The following RTCB variants were observed in gnomAD, a reference collection of about 807,000 sequenced individuals.
RTCB encodes RNA-splicing ligase RTCB.
A neutral mutation model predicts 58.2 loss-of-function variants in RTCB; 32 were observed. The ratio of observed to expected loss-of-function variants is 0.55; its 90% confidence interval spans 0.41 to 0.74. The LOEUF (loss-of-function observed/expected upper bound fraction) is 0.74, where lower values mean the gene tolerates loss of function less well. RTCB is among the 30% of genes least tolerant of loss of function. The pLI is 0.00. For missense variants in RTCB, 523 were observed against 639.0 expected (o/e 0.82, Z 1.96); for synonymous variants, 247 against 218.6 (o/e 1.13, Z -1.15).
intron 1 of RTCB, among the ~76,000 whole-genome samples, chr22:32,409,814 T>C (rs995833790): frequency 9.1e-5 from 10 of 110,438 alleles, no homozygotes; most frequent in South Asian, 3.0e-4. Context: ...ACAGCTCTTA[T>C]ATACTTTTGT....
At chr22:32,400,202 G>T (rs992416540) in intron 5 of RTCB, among the ~76,000 whole-genome samples, 1 of 152,102 alleles carries the variant, frequency 6.6e-6, no homozygotes, top group Non-Finnish European at 1.5e-5. Flanking sequence ...TATGAATTAC[G>T]GTCAAATAAA....
At chr22:32,390,827 C>A (rs1397942993) in intron 11 of RTCB, among the ~76,000 whole-genome samples, 1 of 152,118 alleles carries the variant, frequency 6.6e-6, no homozygotes, top group African/African-American at 2.4e-5. Flanking sequence ...AAAAATAAGT[C>A]TTTGTCATAC....
chr22:32,409,823 G>GTTTT (rs1265587832), intron 1 of RTCB, among the ~76,000 whole-genome samples: 1 of 38,800 alleles, frequency 2.6e-5, no homozygotes. Flanking sequence ...ATATACTTTT[G>GTTTT]TTTTTTTTTT....
intron 1 of RTCB, among the ~76,000 whole-genome samples, chr22:32,410,349 G>A (rs1292479386): frequency 6.6e-6 from 1 of 152,168 alleles, no homozygotes; most frequent in East Asian, 1.9e-4. Flanking sequence ...TGGGAAGGGA[G>A]TGTTTTAAGG....
At chr22:32,412,009 C>G in intron 1 of RTCB, 55 bp downstream of exon 1, 1 of 1,438,712 alleles carries the variant, frequency 7.0e-7, no homozygotes. Flanking sequence ...CAGTGGACGC[C>G]GGCCGGGCCG....
At chr22:32,402,331 G>A (rs1757999091) in intron 4 of RTCB, among the ~76,000 whole-genome samples, 1 of 152,042 alleles carries the variant, frequency 6.6e-6, no homozygotes, top group Non-Finnish European at 1.5e-5. Context: ...ATAATTTGTT[G>A]TGCTTTCTAG....
rs562277175 is a variant in RTCB at position 32,405,120 on chromosome 22, T to C, written c.340+1542A>G. 3.3e-5 allele frequency among the ~76,000 whole-genome samples: 5 copies of C among 152,294 alleles called. 1 individual carries two copies. Among genetic ancestry groups the C allele is most frequent in the African/African-American group, 1.2e-4 (5 of 41,576 alleles). ...TTCATTTTATAATACTAAGACATTA[T>C]TTGTCTATTTTATTCATATTCTCCC... is the stretch of plus-strand genomic sequence containing the variant. On this transcript the variant is annotated intron_variant, in intron 4 of 11. Coordinates refer to ENST00000216038, the MANE Select transcript of RTCB (RefSeq NM_014306.5).
At chr22:32,392,657 AG>A (rs1933175284) in intron 10 of RTCB, among the ~76,000 whole-genome samples, 1 of 152,208 alleles carries the variant, frequency 6.6e-6, no homozygotes, top group African/African-American at 2.4e-5. Flanking sequence ...CAATAAAAAA[AG>A]CCTCCAGAAA....
At chr22:32,388,265 G>C (rs1238697512) in intron 11 of RTCB, among the ~76,000 whole-genome samples, 166 bp from the exon 12 acceptor site, 1 of 150,914 alleles carries the variant, frequency 6.6e-6, no homozygotes, top group Non-Finnish European at 1.5e-5. Context: ...CCTGATGTTG[G>C]TCAGTGCTGA....
intron 1 of RTCB, among the ~76,000 whole-genome samples, chr22:32,410,015 C>T (rs1280263750): frequency 1.3e-5 from 2 of 152,112 alleles, no homozygotes; most frequent in East Asian, 3.8e-4. Flanking sequence ...GACGAAGTTT[C>T]ACGTGTTAGC....
At chr22:32,394,821 C>T (rs563351607) in intron 9 of RTCB, among the ~76,000 whole-genome samples, 1 of 151,368 alleles carries the variant, frequency 6.6e-6, no homozygotes, top group African/African-American at 2.5e-5. Context: ...TCCTGCAGCA[C>T]TTGCTATAGC....
chr22:32,403,302 G>A (rs549020225), intron 4 of RTCB, among the ~76,000 whole-genome samples: 15 of 152,002 alleles, frequency 9.9e-5, no homozygotes, highest in Non-Finnish European at 7.4e-5. Flanking sequence ...AGCCACTCAG[G>A]AGGCTGAGGC....
intron 10 of RTCB, 138 bp downstream of exon 10, chr22:32,393,754 G>A (rs1292935440): frequency 3.1e-6 from 2 of 642,030 alleles, no homozygotes; most frequent in East Asian, 5.4e-5. Flanking sequence ...ACATTATGGG[G>A]AACAATTTGA....
At chr22:32,394,304 A>G (rs1174038768) in intron 9 of RTCB, among the ~76,000 whole-genome samples, 8 of 151,882 alleles carry the variant, frequency 5.3e-5, no homozygotes, top group Non-Finnish European at 8.8e-5. Flanking sequence ...GTAGAGGCGG[A>G]GTTTCACCAT....
chr22:32,396,323 G>A (rs746428094), intron 7 of RTCB, 74 bp from the exon 8 acceptor site: 12 of 1,439,856 alleles, frequency 8.3e-6, no homozygotes, highest in Non-Finnish European at 1.1e-5. Flanking sequence ...CTGCAGAAAG[G>A]TAGGCTACAT....
intron 2 of RTCB, 22 bp downstream of exon 2, chr22:32,408,733 A>G (rs1185330748): frequency 6.4e-7 from 1 of 1,574,122 alleles, no homozygotes; most frequent in Non-Finnish European, 8.7e-7. Flanking sequence ...TACTAACACA[A>G]GTGAAACTCT....
intron 3 of RTCB, 34 bp downstream of exon 3, chr22:32,408,141 A>G: frequency 6.3e-7 from 1 of 1,580,432 alleles, no homozygotes; most frequent in Non-Finnish European, 8.7e-7. Flanking sequence ...ACTTTAAGAA[A>G]TATAAATGAT....
chr22:32,398,964 CA>C (rs1478549060), intron 6 of RTCB, among the ~76,000 whole-genome samples: 1 of 152,180 alleles, frequency 6.6e-6, no homozygotes, highest in Admixed American at 6.5e-5. Flanking sequence ...CCACGTGTCA[CA>C]CTGAATTAGT....
chr22:32,406,951 GA>G (rs957168609), intron 3 of RTCB, among the ~76,000 whole-genome samples, 190 bp from the exon 4 acceptor site: 1 of 151,808 alleles, frequency 6.6e-6, no homozygotes, highest in Non-Finnish European at 1.5e-5. Context: ...AATACAGTGA[GA>G]AAAAAACTTT....
Sources: gnomAD v4.1 joint callset for allele counts (sites outside exome capture counted in the v4.1 genomes callset) on GRCh38, gnomAD v4.1.1 for gene constraint, MANE v1.5 for transcripts, NCBI Gene and HGNC (gene_info 2026-07-23, HGNC 2026-07-21) for gene names.